The following DIP2B variants were observed in gnomAD, a reference collection of about 807,000 sequenced individuals.
The protein encoded by DIP2B is disco-interacting protein 2 homolog B.
Under a neutral mutation model 198.0 loss-of-function variants are expected in DIP2B, and 76 were observed. The observed-to-expected ratio is 0.38, with a 90% CI of 0.32 to 0.46. The LOEUF (loss-of-function observed/expected upper bound fraction) is 0.46. Among genes scored for constraint, DIP2B ranks in the 20% least tolerant of loss-of-function variants. DIP2B has a pLI of 0.99. For missense variants in DIP2B, 1,559 were observed against 1,978.4 expected (o/e 0.79, Z 4.02); for synonymous variants, 701 against 739.1 (o/e 0.95, Z 0.84).
At position 50,527,684 on chromosome 12, in the gene DIP2B, TG is replaced by T. The variant is rs1483639310; in HGVS notation, c.100+22447del. ...ATGATCGTGCCACTACACTCTAGGC[TG>T]GGCGAAAGAGCAAGACCACATCTTA... On this transcript the variant is annotated intron_variant, in intron 1 of 37. Coordinates refer to ENST00000301180, the MANE Select transcript of DIP2B (RefSeq NM_173602.3). Among the ~76,000 whole-genome samples, 5 of 152,312 alleles carry T rather than the reference TG, an allele frequency of 3.3e-5. No individual in the cohort carries two copies. The East Asian group carries it at 7.7e-4, about 23-fold the overall frequency.
intron 8 of DIP2B, chr12:50,679,328 T>G (rs1467794708): frequency 5.8e-6 from 1 of 171,460 alleles, no homozygotes; most frequent in Non-Finnish European, 1.3e-5. Context: ...AAAATTTTTC[T>G]TTTTAAAATA....
At chr12:50,550,842 G>A (rs1404330877) in intron 1 of DIP2B, among the ~76,000 whole-genome samples, 1 of 152,192 alleles carries the variant, frequency 6.6e-6, no homozygotes, top group African/African-American at 2.4e-5. Flanking sequence ...CCAGAAAGAT[G>A]GTCCGACACA....
chr12:50,679,142 G>C, intron 8 of DIP2B: 1 of 405,744 alleles, frequency 2.5e-6, no homozygotes, highest in Non-Finnish European at 4.4e-6. Flanking sequence ...ATTACAAGAG[G>C]ATTTTAGAAA....
chr12:50,651,496 T>C (rs1938452518), intron 3 of DIP2B, among the ~76,000 whole-genome samples: 1 of 152,208 alleles, frequency 6.6e-6, no homozygotes, highest in South Asian at 2.1e-4. Context: ...TTTGAGTCAA[T>C]TTTTGTATAT....
At chr12:50,725,130 A>G (rs1939908447) in intron 28 of DIP2B, among the ~76,000 whole-genome samples, 1 of 152,128 alleles carries the variant, frequency 6.6e-6, no homozygotes, top group Non-Finnish European at 1.5e-5. Context: ...TTGGCATCAT[A>G]AAAAGGTGGT....
intron 1 of DIP2B, among the ~76,000 whole-genome samples, chr12:50,585,639 T>C (rs942961290): frequency 1.3e-5 from 2 of 152,136 alleles, no homozygotes; most frequent in Non-Finnish European, 2.9e-5. Context: ...GGCTGAGAAG[T>C]AGACAGGAGT....
intron 1 of DIP2B, among the ~76,000 whole-genome samples, chr12:50,593,707 C>T (rs61927828): frequency 0.093 from 2,513 of 27,130 alleles, 170 homozygotes; most frequent in East Asian, 0.2. Context: ...TCTCCTCTCC[C>T]CTCCTCTCCT....
At chr12:50,742,204 C>G (rs546753846) in intron 37 of DIP2B, among the ~76,000 whole-genome samples, 119 of 151,872 alleles carry the variant, frequency 7.8e-4, no homozygotes, top group Middle Eastern at 3.4e-3. Flanking sequence ...CCAAGACCAT[C>G]CTGGGTAACA....
At chr12:50,525,463 C>T (rs959211532) in intron 1 of DIP2B, among the ~76,000 whole-genome samples, 2 of 150,260 alleles carry the variant, frequency 1.3e-5, no homozygotes, top group South Asian at 2.1e-4. Context: ...ATAGGCATTT[C>T]TTTTCTTCCT....
chr12:50,697,895 C>T (rs1028889922), intron 17 of DIP2B, among the ~76,000 whole-genome samples: 21 of 151,888 alleles, frequency 1.4e-4, no homozygotes, highest in African/African-American at 4.1e-4. Flanking sequence ...TACTACACTA[C>T]ATTTTTTTTA....
At chr12:50,550,074 G>A (rs778077474) in intron 1 of DIP2B, among the ~76,000 whole-genome samples, 37 of 152,212 alleles carry the variant, frequency 2.4e-4, no homozygotes, top group Non-Finnish European at 4.1e-4. Context: ...TTAACCAGCG[G>A]GATGGCAGCC....
intron 8 of DIP2B, chr12:50,679,327 C>A: frequency 5.8e-6 from 1 of 171,150 alleles, no homozygotes; most frequent in Non-Finnish European, 1.3e-5. Context: ...TAAAATTTTT[C>A]TTTTTAAAAT....
chr12:50,614,803 C>T lies in DIP2B; in HGVS notation c.101-11173C>T, dbSNP rs1937664301. Among the ~76,000 whole-genome samples, 4 of 152,202 alleles carry T rather than the reference C, an allele frequency of 2.6e-5. No individual in the cohort carries two copies. The South Asian group carries it at 8.3e-4, about 31-fold the overall frequency. ...CTGCCTCATTGGAAAAACCCTTTTC[C>T]ACTTTGGCCTAAGCGACCTGCTTTT... On this transcript the variant is annotated intron_variant, in intron 1 of 37. Transcript: ENST00000301180.
chr12:50,698,419 A>G lies in DIP2B; in HGVS notation c.2140A>G (p.Lys714Glu). 1 of 1,614,002 alleles carries G rather than the reference A, an allele frequency of 6.2e-7. No homozygotes were observed. The highest frequency in any genetic ancestry group is 8.5e-7 in the Non-Finnish European group (1 of 1,179,928). The change falls in exon 18 of 38, where the codon AAA (lysine) becomes GAA (glutamate). Residue 714 changes from lysine (K) to glutamate (E), a missense_variant. Coordinates refer to ENST00000301180, the MANE Select transcript of DIP2B (RefSeq NM_173602.3). ...GGTAATACGGGTCAATACTGAAGAT[A>G]AAAATTCAGCACTGACGGTCCAGGA... ...YGVIRVNTED[K>E]NSALTVQDVG...
chr12:50,695,850 A>T lies in DIP2B; in HGVS notation c.1816A>T (p.Lys606Ter), dbSNP rs1939301812. The change falls in exon 16 of 38, where the codon AAG becomes TAG. Residue 606 changes from lysine (K) to a stop codon, truncating the protein, a stop_gained and splice_region_variant. Coordinates refer to ENST00000301180, the MANE Select transcript of DIP2B (RefSeq NM_173602.3). LOFTEE classifies it high-confidence loss of function. Reference protein sequence around the residue: ...WVQRVHAHKAKVALVKCRDLH... With the variant: ...WVQRVHAHKA ...CTTCATCCTTTTTGAATTTATAGCC[A>T]AGGTAGCTTTAGTAAAATGTCGGGA... 6.2e-7 allele frequency: 1 copy of T among 1,614,066 alleles called. No homozygotes were observed. The highest frequency in any genetic ancestry group is 8.5e-7 in the Non-Finnish European group (1 of 1,179,908).
At chr12:50,678,597 A>G in intron 7 of DIP2B, 82 bp from the exon 8 acceptor site, 1 of 1,399,680 alleles carries the variant, frequency 7.1e-7, no homozygotes, top group Non-Finnish European at 9.8e-7. Flanking sequence ...AGTGAAAAGG[A>G]AGATGCAGTT....
chr12:50,723,302 C>T lies in DIP2B; in HGVS notation c.3267C>T (p.Pro1089=). The change falls in exon 27 of 38, where the codon CCC becomes CCT. Residue 1089 remains proline (P), a synonymous_variant. Coordinates refer to ENST00000301180, the MANE Select transcript of DIP2B (RefSeq NM_173602.3). The part of the protein sequence containing the change: ...PHAQNLTATL[P]TVRMIVDVSK... Reference sequence around the variant, plus strand: ...CTCAGAACCTCACGGCCACGCTGCCCACTGTCCGAATGATTGTTGATGTAA... The same window carrying T: ...CTCAGAACCTCACGGCCACGCTGCCTACTGTCCGAATGATTGTTGATGTAA... 6.2e-7 allele frequency: 1 copy of T among 1,614,162 alleles called. No individual in the cohort carries two copies. The highest frequency in any genetic ancestry group is 2.2e-5 in the East Asian group (1 of 44,888).
In DIP2B at chr12:50,691,992, G is replaced by A. The variant is rs1012519317; in HGVS notation, c.1654+841G>A. Reference sequence around the variant, plus strand: ...AGGCGGGAGAATCACTTGCACCCTGGAGGCAGAGGTTGCAGTGAGCCGAGA... The same window carrying A: ...AGGCGGGAGAATCACTTGCACCCTGAAGGCAGAGGTTGCAGTGAGCCGAGA... On this transcript the variant is annotated intron_variant, in intron 13 of 37. Coordinates refer to ENST00000301180, the MANE Select transcript of DIP2B (RefSeq NM_173602.3). Among the ~76,000 whole-genome samples, 5 of 152,156 alleles carry A rather than the reference G, an allele frequency of 3.3e-5. No individual in the cohort carries two copies. In the South Asian group the frequency reaches 6.2e-4, roughly 19 times the overall value.
intron 4 of DIP2B, among the ~76,000 whole-genome samples, chr12:50,665,708 C>T (rs1366785942): frequency 1.3e-5 from 2 of 150,650 alleles, no homozygotes; most frequent in African/African-American, 4.9e-5. Flanking sequence ...TCACTTCAGT[C>T]AAGGCTGCAG....
Sources: gnomAD v4.1 joint callset for allele counts (sites outside exome capture counted in the v4.1 genomes callset) on GRCh38, gnomAD v4.1.1 for gene constraint, MANE v1.5 for transcripts, NCBI Gene and HGNC (gene_info 2026-07-23, HGNC 2026-07-21) for gene names.